Variants in LARGE1 observed in about 807,000 individuals in gnomAD.
The protein encoded by LARGE1 is xylosyl- and glucuronyltransferase LARGE1.
Under a neutral mutation model 87.6 loss-of-function variants are expected in LARGE1, and 43 were observed. The observed-to-expected ratio is 0.49, with a 90% CI of 0.38 to 0.63. The LOEUF is 0.63. Ranked by LOEUF, LARGE1 falls within the 30% of genes least tolerant of loss-of-function variation. LARGE1 has a pLI of 0.00. For synonymous variants in LARGE1, 434 were observed against 394.6 expected, an observed-to-expected ratio of 1.10 and a Z score of -1.18; for missense variants, 802 against 1,000.2, an observed-to-expected ratio of 0.80 and a Z score of 2.67.
At chr22:33,876,161 A>G (rs1383547410) in intron 1 of LARGE1, among the ~76,000 whole-genome samples, 1 of 152,176 alleles carries the variant, frequency 6.6e-6, no homozygotes, top group Non-Finnish European at 1.5e-5. Context: ...CTCTGTGGGC[A>G]CAGTTTATCA....
At chr22:33,090,799 C>G in the LARGE1 span, among the ~76,000 whole-genome samples, 1 of 152,122 alleles carries the variant, frequency 6.6e-6, no homozygotes. Flanking sequence ...CTGTCAGAGG[C>G]CTTTAAGGAA....
rs1434648360 is a variant in LARGE1, at chr22:33,305,562, T to C, written c.1452-1055A>G. ...AAGAGGTACGTAATCAGCAGTCTCC[T>C]GGTCAGAATGCCCACTTTATTCGGA... On this transcript the variant is annotated intron_variant, in intron 11 of 14. Transcript: ENST00000397394. The C allele has an allele frequency of 7.1e-6, 7 of 984,486 alleles. No individual in the cohort carries two copies. The African/African-American group carries it at 1.0e-4, about 15-fold the overall frequency. The allele number at this position is 984,486 out of a possible 1,614,324, so 61.0% of individuals were successfully genotyped here.
intron 6 of LARGE1, among the ~76,000 whole-genome samples, chr22:33,517,600 C>T (rs1476529042): frequency 1.6e-5 from 2 of 128,354 alleles, no homozygotes; most frequent in African/African-American, 6.0e-5. Context: ...TGGGGTTTCA[C>T]CATATGGGCC....
chr22:33,426,294 C>A (rs906255960), intron 7 of LARGE1, among the ~76,000 whole-genome samples: 1 of 152,178 alleles, frequency 6.6e-6, no homozygotes, highest in African/African-American at 2.4e-5. Flanking sequence ...CAGTTTTCTA[C>A]CCTACCCTTG....
At chr22:33,525,642 T>A (rs1328034832) in intron 6 of LARGE1, among the ~76,000 whole-genome samples, 2 of 151,894 alleles carry the variant, frequency 1.3e-5, no homozygotes, top group African/African-American at 4.9e-5. Context: ...GGGTCCCCTA[T>A]GTTTCCCCCC....
chr22:33,412,100 A>G (rs2066324839), intron 7 of LARGE1, among the ~76,000 whole-genome samples: 1 of 152,180 alleles, frequency 6.6e-6, no homozygotes, highest in African/African-American at 2.4e-5. Context: ...CCTGGCCAAC[A>G]TGGCAAAATC....
chr22:33,348,398 C>A (rs1374262267), intron 9 of LARGE1, among the ~76,000 whole-genome samples: 1 of 151,766 alleles, frequency 6.6e-6, no homozygotes, highest in East Asian at 1.9e-4. Flanking sequence ...TCCAAACTAC[C>A]TACTATATTT....
At chr22:33,921,908 A>C (rs577517440), upstream of LARGE1, among the ~76,000 whole-genome samples, 2 of 152,086 alleles carry the variant, frequency 1.3e-5, no homozygotes, top group East Asian at 2.0e-4. This position sits in a 1 kb window ranked among gnomAD's most constrained non-coding sequence, Gnocchi z 4.1. Context: ...CCTCGAGAGA[A>C]GACCCAGAGG....
intron 6 of LARGE1, among the ~76,000 whole-genome samples, chr22:33,481,452 T>C (rs1303997223): frequency 6.6e-6 from 1 of 152,196 alleles, no homozygotes; most frequent in African/African-American, 2.4e-5. Context: ...GAAATACTGA[T>C]CCATGATTTT....
chr22:33,647,440 C>T (rs2080653624), intron 3 of LARGE1, among the ~76,000 whole-genome samples: 1 of 152,214 alleles, frequency 6.6e-6, no homozygotes, highest in African/African-American at 2.4e-5. Context: ...CTTAACACTT[C>T]TTTCCTGCCA....
chr22:33,581,139 T>C (rs1029640555), intron 5 of LARGE1, among the ~76,000 whole-genome samples: 1 of 152,206 alleles, frequency 6.6e-6, no homozygotes, highest in African/African-American at 2.4e-5. Context: ...ATTTTACACA[T>C]AGGAAACTAA....
At chr22:33,558,129 G>A (rs1835170390) in intron 6 of LARGE1, among the ~76,000 whole-genome samples, 1 of 152,194 alleles carries the variant, frequency 6.6e-6, no homozygotes, top group African/African-American at 2.4e-5. Flanking sequence ...ACTGTCAGGA[G>A]TGAATGTGAG....
chr22:33,886,656 CA>C (rs869173776), intron 1 of LARGE1, among the ~76,000 whole-genome samples: 318 of 34,570 alleles, frequency 9.2e-3, no homozygotes, highest in African/African-American at 0.023. Flanking sequence ...GAGATTCTGC[CA>C]AAAAAAAAAA....
intron 2 of LARGE1, among the ~76,000 whole-genome samples, chr22:33,739,485 C>A (rs1365251735): frequency 6.6e-6 from 1 of 152,186 alleles, no homozygotes; most frequent in Admixed American, 6.5e-5. Flanking sequence ...ACCCTGCAGC[C>A]ACGCAAGACA....
intron 1 of LARGE1, among the ~76,000 whole-genome samples, chr22:33,806,572 A>C (rs375700051): frequency 4.1e-4 from 63 of 152,236 alleles, no homozygotes; most frequent in African/African-American, 1.5e-3. Context: ...CCTCAACTAT[A>C]AGCTCCTTGA....
chr22:33,383,749 T>C (rs1178202641), intron 8 of LARGE1, among the ~76,000 whole-genome samples: 1 of 152,162 alleles, frequency 6.6e-6, no homozygotes, highest in African/African-American at 2.4e-5. Context: ...GGTTAGACTC[T>C]ATTTGCCAGG....
intron 6 of LARGE1, chr22:33,563,189 C>G (rs928369690): frequency 6.6e-6 from 1 of 152,258 alleles, no homozygotes; most frequent in African/African-American, 2.4e-5. Flanking sequence ...GGACTGCTCC[C>G]ACCAGCTGGC....
intron 14 of LARGE1, 131 bp from the exon 15 acceptor site, chr22:33,274,755 G>C (rs2145805012): frequency 1.2e-6 from 1 of 812,596 alleles, no homozygotes; most frequent in Non-Finnish European, 2.1e-6. Context: ...GATGGCAAAG[G>C]ACAGCACAAC....
chr22:33,092,620 T>TACCCA, the LARGE1 span, among the ~76,000 whole-genome samples: 11 of 136,182 alleles, frequency 8.1e-5, no homozygotes, highest in East Asian at 2.4e-3. Context: ...TCCCTCCCCC[T>TACCCA]ACCCCACCCC....
Sources: allele counts gnomAD v4.1 joint callset (sites outside exome capture counted in the v4.1 genomes callset), GRCh38; gene constraint gnomAD v4.1.1; non-coding constraint Gnocchi (gnomAD v3.1); transcripts MANE v1.5; gene names NCBI Gene and HGNC (gene_info 2026-07-23, HGNC 2026-07-21).